The following CAMK2D variants were observed in gnomAD, a reference collection of about 807,000 sequenced individuals.
CAMK2D encodes calcium/calmodulin dependent protein kinase II delta.
In CAMK2D, 37 loss-of-function variants were observed where a neutral mutation model predicts 84.0. The ratio of observed to expected loss-of-function variants is 0.44; its 90% CI spans 0.34 to 0.58. The LOEUF is 0.58. Ranked by LOEUF, CAMK2D falls within the 20% of genes least tolerant of loss-of-function variation. The pLI is 0.02. For missense variants in CAMK2D, 448 were observed against 652.5 expected (o/e 0.69, Z 3.41); for synonymous variants, 202 against 212.5 (o/e 0.95, Z 0.43).
intron 2 of CAMK2D, chr4:113,755,146 A>T: frequency 1.2e-6 from 1 of 800,634 alleles, no homozygotes; most frequent in Non-Finnish European, 1.5e-6. Flanking sequence ...CATCCCTTTT[A>T]CAACATCAAA....
chr4:113,720,686 T>C (rs1169002103), intron 2 of CAMK2D, among the ~76,000 whole-genome samples: 1 of 149,860 alleles, frequency 6.7e-6, no homozygotes, highest in Non-Finnish European at 1.5e-5. Context: ...AAATAATAAT[T>C]TTAACAATAG....
chr4:113,635,421 TTA>T (rs1304209482), intron 3 of CAMK2D, among the ~76,000 whole-genome samples: 2 of 152,206 alleles, frequency 1.3e-5, no homozygotes, highest in Non-Finnish European at 2.9e-5. Context: ...AATAGATCCT[TTA>T]TATATAGAAT....
intron 16 of CAMK2D, among the ~76,000 whole-genome samples, chr4:113,498,253 C>T (rs2097971186): frequency 6.6e-6 from 1 of 152,194 alleles, no homozygotes; most frequent in Non-Finnish European, 1.5e-5. Flanking sequence ...GATTCCCACA[C>T]AAACAGATCA....
intron 16 of CAMK2D, among the ~76,000 whole-genome samples, chr4:113,494,476 T>C (rs2097897348): frequency 6.6e-6 from 1 of 152,166 alleles, no homozygotes; most frequent in South Asian, 2.1e-4. Flanking sequence ...AGGGACCCAC[T>C]TGAGGAGGCA....
chr4:113,611,047 AACACAC>A lies in CAMK2D; in HGVS notation c.221-1847_221-1842del, dbSNP rs141563975. ...CTATATATATGTTATATATACACAT[AACACAC>A]ACACACACACACACACACACACACA... On this transcript the variant is annotated intron_variant, in intron 3 of 20. Coordinates refer to ENST00000511664, the MANE Select transcript of CAMK2D (RefSeq NM_001321571.2). 1.5e-3 allele frequency among the ~76,000 whole-genome samples: 230 copies of A among 148,662 alleles called. 1 individual carries two copies. The highest frequency in any genetic ancestry group is 3.5e-3 in the Middle Eastern group (1 of 288).
At chr4:113,622,507 G>T (rs994103685) in intron 3 of CAMK2D, among the ~76,000 whole-genome samples, 1 of 151,914 alleles carries the variant, frequency 6.6e-6, no homozygotes, top group Non-Finnish European at 1.5e-5. Flanking sequence ...GCTTATGCCT[G>T]CGATCCCAAT....
intron 4 of CAMK2D, among the ~76,000 whole-genome samples, chr4:113,558,468 CAACT>C (rs1176801122): frequency 6.6e-6 from 1 of 152,160 alleles, no homozygotes; most frequent in African/African-American, 2.4e-5. Context: ...CAGATTCAAC[CAACT>C]GAGGATCAAA....
At chr4:113,491,137 C>T (rs2097837569) in intron 16 of CAMK2D, among the ~76,000 whole-genome samples, 2 of 94,444 alleles carry the variant, frequency 2.1e-5, no homozygotes, top group African/African-American at 9.3e-5. Flanking sequence ...CCTTTATTTC[C>T]TTCTCCTGCC....
chr4:113,486,416 G>A (rs530356520), intron 16 of CAMK2D, among the ~76,000 whole-genome samples: 49 of 152,146 alleles, frequency 3.2e-4, no homozygotes, highest in South Asian at 6.2e-4. Flanking sequence ...TGAGCCACTG[G>A]GCTTGGGTGA....
At position 113,661,725 on chromosome 4, in the gene CAMK2D, G is replaced by T; in HGVS notation, c.208C>A (p.His70Asn). Residue 70 changes from histidine to asparagine, a missense_variant, in exon 3 of 21, where the codon CAC (histidine) becomes AAC (asparagine). His to Asn is a moderately conservative substitution (Grantham distance 68). Transcript: ENST00000511664. ...AATACGTTCTCACCAATATTAGGGT[G>T]CTTCAAAAGACGGCAGATTCTAGCT... ...REARICRLLK[H>N]PNIVRLHDSI... 1 of 1,476,316 alleles carries T rather than the reference G, an allele frequency of 6.8e-7. No homozygotes were observed. Among genetic ancestry groups the T allele is most frequent in the Non-Finnish European group, 9.2e-7 (1 of 1,087,114 alleles). The allele number at this position is 1,476,316 out of a possible 1,614,324, so 91.5% of individuals were successfully genotyped here.
chr4:113,565,078 C>T (rs2098715876), intron 4 of CAMK2D, among the ~76,000 whole-genome samples: 1 of 152,152 alleles, frequency 6.6e-6, no homozygotes, highest in Non-Finnish European at 1.5e-5. Flanking sequence ...AAAATAATAA[C>T]ATTTAACCAC....
rs1305829812 is a variant in CAMK2D at position 113,490,527 on chromosome 4, G to A, written c.1135+9936C>T. Among the ~76,000 whole-genome samples, 5 of 132,976 alleles carry A rather than the reference G, an allele frequency of 3.8e-5. No individual in the cohort carries two copies. The East Asian group carries it at 8.1e-4, about 22-fold the overall frequency. The allele number at this position is 132,976 out of a possible 152,430, so 87.2% of individuals were successfully genotyped here. A position where few individuals can be genotyped will look rare whatever the true frequency, so the allele number is the denominator to read the frequency against. On this transcript the variant is annotated intron_variant, in intron 16 of 20. Transcript: ENST00000511664. ...ATCTCTGTTTTGGTACCAGTACCAC[G>A]CTGTTTTGGTTACTGTAGCCTTGTA...
intron 2 of CAMK2D, among the ~76,000 whole-genome samples, chr4:113,715,169 T>C (rs2099509663): frequency 6.6e-6 from 1 of 152,094 alleles, no homozygotes; most frequent in Admixed American, 6.6e-5. Flanking sequence ...GTTAGGTGTA[T>C]AGGAACACTT....
chr4:113,620,452 A>G (rs2099040827), intron 3 of CAMK2D, among the ~76,000 whole-genome samples: 2 of 152,032 alleles, frequency 1.3e-5, no homozygotes, highest in Non-Finnish European at 1.5e-5. Flanking sequence ...CATTAACCAA[A>G]CAGTTATTCA....
Position 113,475,085 on chromosome 4 carries a change from G to A in CAMK2D, c.1136-9481C>T, listed in dbSNP as rs1023498022. Among the ~76,000 whole-genome samples the A allele has an allele frequency of 3.9e-5, 6 of 152,178 alleles. No individual in the cohort carries two copies. The East Asian group carries it at 1.2e-3, about 29-fold the overall frequency. ...TCTTTCAGTGATTTCAGTTGCTGTTGTTTAGCTTACAATTAATTTAGCTTC... is the reference window on the plus strand; with the variant it reads ...TCTTTCAGTGATTTCAGTTGCTGTTATTTAGCTTACAATTAATTTAGCTTC... On this transcript the variant is annotated intron_variant, in intron 16 of 20. Transcript: ENST00000511664.
chr4:113,489,205 T>C (rs993608608), intron 16 of CAMK2D, among the ~76,000 whole-genome samples: 1 of 151,712 alleles, frequency 6.6e-6, no homozygotes, highest in Non-Finnish European at 1.5e-5. Flanking sequence ...TAGTTACATA[T>C]GTATACATGT....
At chr4:113,683,545 T>C (rs1295578259) in intron 2 of CAMK2D, among the ~76,000 whole-genome samples, 1 of 152,092 alleles carries the variant, frequency 6.6e-6, no homozygotes, top group Non-Finnish European at 1.5e-5. Flanking sequence ...TGAGAGAAAA[T>C]ACAATTTTAC....
chr4:113,583,996 A>T (rs1290119893), intron 4 of CAMK2D, among the ~76,000 whole-genome samples: 1 of 152,202 alleles, frequency 6.6e-6, no homozygotes, highest in Non-Finnish European at 1.5e-5. Context: ...ATAAAGCTTA[A>T]TCATTGGCTG....
At chr4:113,537,844 G>A (rs182123308) in intron 6 of CAMK2D, among the ~76,000 whole-genome samples, 5 of 152,284 alleles carry the variant, frequency 3.3e-5, no homozygotes, top group Admixed American at 3.3e-4. Context: ...AATAACAAGA[G>A]TTGGACCAAT....
Sources: allele counts gnomAD v4.1 joint callset (sites outside exome capture counted in the v4.1 genomes callset), GRCh38; gene constraint gnomAD v4.1.1; transcripts MANE v1.5; gene names NCBI Gene and HGNC (gene_info 2026-07-23, HGNC 2026-07-21).